Variants in EEFSEC observed in about 807,000 individuals in gnomAD.
EEFSEC encodes the protein selenocysteine-specific elongation factor.
EEFSEC carries 43 observed loss-of-function variants against 42.1 expected under a neutral mutation model. That is an observed-to-expected ratio of 1.02 (90% confidence interval 0.80 to 1.32). The LOEUF is 1.32. Ranked by LOEUF, EEFSEC falls within the 40% of genes most tolerant of loss-of-function variation. EEFSEC has a pLI of 0.00. For synonymous variants in EEFSEC, 354 were observed against 339.1 expected (o/e 1.04, Z -0.48); for missense variants, 745 against 803.6 (o/e 0.93, Z 0.88).
intron 6 of EEFSEC, among the ~76,000 whole-genome samples, chr3:128,364,596 C>T (rs1442653863): frequency 2.6e-5 from 4 of 152,156 alleles, no homozygotes; most frequent in Non-Finnish European, 4.4e-5. Flanking sequence ...CCAGTTCCTT[C>T]GCCTACACAG....
intron 4 of EEFSEC, among the ~76,000 whole-genome samples, chr3:128,322,762 C>T (rs1438714567): frequency 6.6e-6 from 1 of 152,188 alleles, no homozygotes; most frequent in Non-Finnish European, 1.5e-5. Flanking sequence ...GCCACAGGGG[C>T]AGTGAGAGCT....
chr3:128,389,806 C>G (rs559572148), intron 6 of EEFSEC, among the ~76,000 whole-genome samples: 6 of 152,356 alleles, frequency 3.9e-5, no homozygotes, highest in African/African-American at 1.2e-4. Flanking sequence ...GCTGCTCCAG[C>G]AGAATGGGCA....
In EEFSEC at chr3:128,358,011, G is replaced by C. The variant is rs574740127; in HGVS notation, c.1444-206G>C. On this transcript the variant is annotated intron_variant, in intron 5 of 6. Transcript: ENST00000254730. ...TGAAGGGCCCGTTGTTATAGTGGCA[G>C]TTGCCAGTCTCAGGTTTCTGCCCTG... Among the ~76,000 whole-genome samples, 105 of 152,284 alleles carry C rather than the reference G, an allele frequency of 6.9e-4. 1 individual carries two copies. The highest frequency in any genetic ancestry group is 2.4e-3 in the African/African-American group (98 of 41,530).
chr3:128,153,754 G>T lies in EEFSEC; in HGVS notation c.247G>T (p.Glu83Ter). 1 of 1,545,478 alleles carries T rather than the reference G, an allele frequency of 6.5e-7. No homozygotes were observed. The highest frequency in any genetic ancestry group is 1.2e-5 in the South Asian group (1 of 84,858). The change falls in exon 1 of 7, where the codon GAG becomes TAG. Residue 83 changes from glutamate (E) to a stop codon, truncating the protein, a stop_gained. Transcript: ENST00000254730. LOFTEE classifies it high-confidence loss of function. ...GCCCGAGGCCGAGCCCGAGCCCGGC[G>T]AGCCACTGCTTCAGGTCACGCTGGT... ...AAPEAEPEPG[E>*]PLLQVTLVDC...
At chr3:128,417,848 G>C in the EEFSEC span, among the ~76,000 whole-genome samples, 57 of 152,168 alleles carry the variant, frequency 3.7e-4, 1 homozygote, top group East Asian at 8.9e-3. This position sits in a 1 kb window ranked among gnomAD's most constrained non-coding sequence, Gnocchi z 4.3. Context: ...CACATGTGCT[G>C]AGGTGCCATG....
chr3:128,190,561 G>A (rs1046172725), intron 1 of EEFSEC, among the ~76,000 whole-genome samples: 3 of 152,126 alleles, frequency 2.0e-5, no homozygotes, highest in African/African-American at 7.2e-5. Context: ...AGTTTATAAA[G>A]TAAAAAAGTT....
rs139217715 is a variant in EEFSEC at position 128,157,375 on chromosome 3, T to C, written c.316+3552T>C. 4.9e-4 allele frequency among the ~76,000 whole-genome samples: 74 copies of C among 152,336 alleles called. 1 individual carries two copies. The highest frequency in any genetic ancestry group is 9.3e-4 in the Non-Finnish European group (63 of 68,026). ...TATCCAGGAGATCTAGCTAAGATCA[T>C]TGATGAAGGTGAGTACACTAAACAG... On this transcript the variant is annotated intron_variant, in intron 1 of 6. Coordinates refer to ENST00000254730, the MANE Select transcript of EEFSEC (RefSeq NM_021937.5).
chr3:128,334,016 G>C (rs779182622), intron 4 of EEFSEC, among the ~76,000 whole-genome samples: 1 of 152,212 alleles, frequency 6.6e-6, no homozygotes, highest in Non-Finnish European at 1.5e-5. Context: ...GAGGTTGGGA[G>C]GGAGGGATGC....
rs147172192 is a variant in EEFSEC, at chr3:128,264,353, G to A, written c.622-264G>A. Among the ~76,000 whole-genome samples the A allele has an allele frequency of 3.6e-3, 542 of 152,314 alleles. 8 individuals are homozygous for A. Among genetic ancestry groups the A allele is most frequent in the Middle Eastern group, 0.024 (7 of 294 alleles). ...GGACAGACCATTGTAGCAGTCCCAC[G>A]GGAGAAGACAGACGAGGCTTCTCCA... is the stretch of plus-strand genomic sequence containing the variant. On this transcript the variant is annotated intron_variant, in intron 3 of 6. Transcript: ENST00000254730.
At chr3:128,367,032 G>A (rs776101238) in intron 6 of EEFSEC, among the ~76,000 whole-genome samples, 52 of 151,830 alleles carry the variant, frequency 3.4e-4, no homozygotes, top group Non-Finnish European at 6.5e-4. Flanking sequence ...GCTTGCAGAC[G>A]GCTGCCTTCT....
At chr3:128,226,235 ACATAAAGGAGGACAT>A (rs2065906379) in intron 1 of EEFSEC, among the ~76,000 whole-genome samples, 1 of 152,222 alleles carries the variant, frequency 6.6e-6, no homozygotes, top group Admixed American at 6.5e-5. Context: ...GCCGTAAGCC[ACATAAAGGAGGACAT>A]CAGAACCAAT....
intron 1 of EEFSEC, among the ~76,000 whole-genome samples, chr3:128,224,662 T>C (rs2065891482): frequency 6.6e-6 from 1 of 152,204 alleles, no homozygotes; most frequent in Non-Finnish European, 1.5e-5. Context: ...AGATCTTGAG[T>C]CATTTTACCC....
At chr3:128,321,891 G>A (rs1250144446) in intron 4 of EEFSEC, among the ~76,000 whole-genome samples, 24 of 152,198 alleles carry the variant, frequency 1.6e-4, no homozygotes, top group Non-Finnish European at 7.3e-5. Context: ...CAGGGGTTTA[G>A]AGGAGACTGG....
At chr3:128,193,217 C>T (rs1402479949) in intron 1 of EEFSEC, among the ~76,000 whole-genome samples, 1 of 152,198 alleles carries the variant, frequency 6.6e-6, no homozygotes, top group African/African-American at 2.4e-5. Context: ...TTGGGGGAAT[C>T]AGGGGATGCT....
At chr3:128,355,670 A>G (rs1425422742) in intron 5 of EEFSEC, among the ~76,000 whole-genome samples, 3 of 151,858 alleles carry the variant, frequency 2.0e-5, no homozygotes, top group Non-Finnish European at 2.9e-5. Context: ...ACCAACAACT[A>G]CAACCATGTA....
chr3:128,181,572 C>T (rs942706635), intron 1 of EEFSEC, among the ~76,000 whole-genome samples: 3 of 152,158 alleles, frequency 2.0e-5, no homozygotes, highest in African/African-American at 4.8e-5. Context: ...GTGGAGACGG[C>T]GATAAGGAGT....
the EEFSEC span, among the ~76,000 whole-genome samples, chr3:128,416,330 C>A: frequency 6.6e-6 from 1 of 152,182 alleles, no homozygotes; most frequent in African/African-American, 2.4e-5. Flanking sequence ...CTGGCCCACC[C>A]TGCAGGACCT....
At chr3:128,417,935 G>A in the EEFSEC span, among the ~76,000 whole-genome samples, 1 of 151,980 alleles carries the variant, frequency 6.6e-6, no homozygotes, top group Admixed American at 6.6e-5. The surrounding 1 kb of genome is among the most constrained non-coding windows in gnomAD (Gnocchi z 4.3). Flanking sequence ...CCCCCAGCCA[G>A]GACCCGGGGG....
At chr3:128,367,794 G>A (rs2067607715) in intron 6 of EEFSEC, 1 of 985,398 alleles carries the variant, frequency 1.0e-6, no homozygotes, top group African/African-American at 1.7e-5. Context: ...AAAGAAACCA[G>A]CTCTACAATA....
Sources: allele counts gnomAD v4.1 joint callset (sites outside exome capture counted in the v4.1 genomes callset), GRCh38; gene constraint gnomAD v4.1.1; non-coding constraint Gnocchi (gnomAD v3.1); transcripts MANE v1.5; gene names NCBI Gene and HGNC (gene_info 2026-07-23, HGNC 2026-07-21).